Variants in CSMD1 observed in about 807,000 individuals in gnomAD.
The protein encoded by CSMD1 is CUB and Sushi multiple domains 1, also known as CUB and sushi domain-containing protein 1.
A neutral mutation model predicts 417.5 loss-of-function variants in CSMD1; 213 were observed. The observed-to-expected ratio is 0.51, with a 90% CI of 0.46 to 0.57. The LOEUF is 0.57. Among genes scored for constraint, CSMD1 ranks in the 20% least tolerant of loss-of-function variants. The pLI is 0.00. For missense variants in CSMD1, 6,923 were observed against 4,529.7 expected (o/e 1.53, Z -15.17); for synonymous variants, 2,862 against 1,736.8 (o/e 1.65, Z -16.11).
At chr8:4,202,206 A>T (rs1285995441) in intron 3 of CSMD1, among the ~76,000 whole-genome samples, 1 of 152,188 alleles carries the variant, frequency 6.6e-6, no homozygotes, top group Non-Finnish European at 1.5e-5. Flanking sequence ...GACGCAACAA[A>T]ATGAGATGTG....
In CSMD1 at chr8:3,219,429, G is replaced by C; in HGVS notation, c.4498C>G (p.Pro1500Ala). ...ALIFKSFNME[P>A]SYDFLHIYEG... ...TAGATGTGTAGGAAGTCATAGCTGG[G>C]CTCCATGTTGAAACTAAAGAAAAGA... is the stretch of plus-strand genomic sequence containing the variant. Residue 1500 changes from proline (P) to alanine (A), a missense_variant, in exon 29 of 70, where the codon CCC (proline) becomes GCC (alanine). By Grantham distance (27) the Pro-to-Ala change is conservative (BLOSUM62 -1). Coordinates refer to ENST00000635120, the MANE Select transcript of CSMD1 (RefSeq NM_033225.6). 1 of 1,496,778 alleles carries C rather than the reference G, an allele frequency of 6.7e-7. No individual in the cohort carries two copies. The highest frequency in any genetic ancestry group is 8.9e-7 in the Non-Finnish European group (1 of 1,123,282). 92.7% of individuals were successfully genotyped at this position (1,496,778 alleles called of 1,614,324 possible). A position where few individuals can be genotyped will look rare whatever the true frequency, so the allele number is the denominator to read the frequency against.
intron 2 of CSMD1, among the ~76,000 whole-genome samples, chr8:4,562,758 G>A (rs1798404893): frequency 6.6e-6 from 1 of 152,058 alleles, no homozygotes; most frequent in Admixed American, 6.6e-5. Flanking sequence ...GTGGCTGTTA[G>A]CAGAGTCAAG....
At chr8:4,691,525 C>G (rs765850422) in intron 1 of CSMD1, among the ~76,000 whole-genome samples, 1 of 152,166 alleles carries the variant, frequency 6.6e-6, no homozygotes, top group Non-Finnish European at 1.5e-5. Flanking sequence ...CCTTATGTCC[C>G]ATGAAAAGGG....
chr8:4,399,307 C>T (rs1804486222), intron 3 of CSMD1, among the ~76,000 whole-genome samples: 1 of 152,134 alleles, frequency 6.6e-6, no homozygotes, highest in African/African-American at 2.4e-5. Context: ...AGCTTCAATT[C>T]TACATGTGAA....
chr8:4,847,321 G>T (rs1585205169), intron 1 of CSMD1, among the ~76,000 whole-genome samples: 2 of 152,126 alleles, frequency 1.3e-5, no homozygotes, highest in South Asian at 4.2e-4. Context: ...TCAGACAACA[G>T]ATCTTGCACA....
chr8:2,965,914 G>C lies in CSMD1; in HGVS notation c.9141C>G (p.Ile3047Met), dbSNP rs765253562. ...TGAAGGTGAAGTCGGTCCCAAACTG[G>C]ATGCCATTTGCTAGTGTGCCTGGAT... ...CGDPGTLANGIQFGTDFTFNK... is the reference protein window; with the variant it reads ...CGDPGTLANGMQFGTDFTFNK... The change falls in exon 59 of 70, where the codon ATC (isoleucine) becomes ATG (methionine). Residue 3047 changes from isoleucine (I) to methionine (M), a missense_variant. Coordinates refer to ENST00000635120, the MANE Select transcript of CSMD1 (RefSeq NM_033225.6). 29 of 1,609,716 alleles carry C rather than the reference G, an allele frequency of 1.8e-5. No individual in the cohort carries two copies. The highest frequency in any genetic ancestry group is 1.3e-4 in the Admixed American group (8 of 59,540).
At chr8:3,231,908 T>C (rs758198725) in intron 26 of CSMD1, among the ~76,000 whole-genome samples, 1 of 152,228 alleles carries the variant, frequency 6.6e-6, no homozygotes, top group Non-Finnish European at 1.5e-5. Flanking sequence ...GAAAATTTGC[T>C]AACTTGTCTT....
intron 22 of CSMD1, among the ~76,000 whole-genome samples, chr8:3,344,320 T>TA (rs760411395): frequency 1.1e-4 from 16 of 152,180 alleles, no homozygotes; most frequent in Non-Finnish European, 2.1e-4. Context: ...ACTGACTTTC[T>TA]AGTAGGACAA....
chr8:4,838,607 T>C (rs920707990), intron 1 of CSMD1, among the ~76,000 whole-genome samples: 1 of 152,252 alleles, frequency 6.6e-6, no homozygotes, highest in South Asian at 2.1e-4. Flanking sequence ...GTTTGTGCTT[T>C]GGCAGATGGA....
intron 5 of CSMD1, among the ~76,000 whole-genome samples, chr8:3,872,892 C>G (rs78460829): frequency 0.023 from 3,399 of 147,314 alleles, 50 homozygotes; most frequent in Non-Finnish European, 0.035. Flanking sequence ...AGTGGACAAA[C>G]AACATGAACA....
intron 3 of CSMD1, among the ~76,000 whole-genome samples, chr8:4,400,035 C>T (rs1260659803): frequency 6.6e-6 from 1 of 152,124 alleles, no homozygotes; most frequent in Non-Finnish European, 1.5e-5. Context: ...TAGACAGACA[C>T]ACACATAATT....
chr8:4,281,523 A>G (rs1796784476), intron 3 of CSMD1, among the ~76,000 whole-genome samples: 1 of 152,224 alleles, frequency 6.6e-6, no homozygotes, highest in South Asian at 2.1e-4. Flanking sequence ...TATGCATTGA[A>G]GCTCACATTA....
chr8:4,827,930 T>C (rs1338302257), intron 1 of CSMD1, among the ~76,000 whole-genome samples: 2 of 152,156 alleles, frequency 1.3e-5, no homozygotes, highest in Non-Finnish European at 2.9e-5. Flanking sequence ...AATCCAATAT[T>C]CATTCATGAG....
intron 2 of CSMD1, among the ~76,000 whole-genome samples, chr8:4,524,712 T>A (rs77312645): frequency 3.9e-5 from 6 of 152,120 alleles, no homozygotes; most frequent in Middle Eastern, 3.4e-3. Context: ...TAAAACCAAA[T>A]CTGATATTTG....
chr8:4,724,679 T>C (rs1809298765), intron 1 of CSMD1, among the ~76,000 whole-genome samples: 1 of 152,108 alleles, frequency 6.6e-6, no homozygotes, highest in African/African-American at 2.4e-5. Context: ...GCTTTGTATT[T>C]TAAATTATTG....
chr8:3,488,176 C>G (rs544050122), intron 11 of CSMD1, among the ~76,000 whole-genome samples: 21 of 151,942 alleles, frequency 1.4e-4, no homozygotes, highest in Admixed American at 4.6e-4. Context: ...CATCATAGCT[C>G]ACTGCAGCCT....
At chr8:3,741,572 T>A (rs139755718) in intron 6 of CSMD1, among the ~76,000 whole-genome samples, 2 of 152,372 alleles carry the variant, frequency 1.3e-5, no homozygotes, top group Non-Finnish European at 2.9e-5. Flanking sequence ...ATTTTTTGAC[T>A]TCAAGATTAA....
intron 3 of CSMD1, among the ~76,000 whole-genome samples, chr8:4,206,683 C>G (rs1168070403): frequency 6.6e-6 from 1 of 152,106 alleles, no homozygotes; most frequent in African/African-American, 2.4e-5. Flanking sequence ...GATCTAAAAT[C>G]CTTTGGGTAT....
chr8:4,305,158 G>A (rs1486485692), intron 3 of CSMD1, among the ~76,000 whole-genome samples: 1 of 152,192 alleles, frequency 6.6e-6, no homozygotes, highest in Admixed American at 6.5e-5. Flanking sequence ...TATTTTGAAA[G>A]ATAGTTTTTA....
Sources: gnomAD v4.1 joint callset for allele counts (sites outside exome capture counted in the v4.1 genomes callset) on GRCh38, gnomAD v4.1.1 for gene constraint, MANE v1.5 for transcripts, NCBI Gene and HGNC (gene_info 2026-07-23, HGNC 2026-07-21) for gene names.